The following AGO4 variants were observed in gnomAD, a reference collection of about 807,000 sequenced individuals.
The protein encoded by AGO4 is protein argonaute-4.
Under a neutral mutation model 104.7 loss-of-function variants are expected in AGO4, and 33 were observed. The ratio of observed to expected loss-of-function variants is 0.32; its 90% CI spans 0.24 to 0.42. The LOEUF is 0.42. Ranked by LOEUF, AGO4 falls within the 10% of genes least tolerant of loss-of-function variation. The probability of loss-of-function intolerance (pLI) is 1.00; values close to 1 mark genes in which losing one functional copy is unlikely to be tolerated. For synonymous variants in AGO4, 331 were observed against 364.7 expected (o/e 0.91, Z 1.05); for missense variants, 711 against 1,083.4 (o/e 0.66, Z 4.83).
chr1:35,852,253 G>A (rs1422846919), intron 17 of AGO4, among the ~76,000 whole-genome samples: 2 of 152,172 alleles, frequency 1.3e-5, no homozygotes, highest in Non-Finnish European at 2.9e-5. Flanking sequence ...ACAGTTAATT[G>A]GATATGCATG....
chr1:35,807,836 T>C (rs1489697955), upstream of AGO4, among the ~76,000 whole-genome samples: 1 of 152,074 alleles, frequency 6.6e-6, no homozygotes, highest in Non-Finnish European at 1.5e-5. Flanking sequence ...AGTGGAAAAC[T>C]GAATCTGTGG....
intron 13 of AGO4, among the ~76,000 whole-genome samples, chr1:35,836,601 G>A (rs2148673019): frequency 6.6e-6 from 1 of 152,290 alleles, no homozygotes; most frequent in South Asian, 2.1e-4. Context: ...AGTAGAGACG[G>A]GGTTTCACCA....
chr1:35,847,262 C>G (rs1443787443), intron 15 of AGO4, among the ~76,000 whole-genome samples: 1 of 148,518 alleles, frequency 6.7e-6, no homozygotes, highest in East Asian at 2.0e-4. Flanking sequence ...GAGACTGAGT[C>G]TCGCTCTGTT....
At chr1:35,826,681 A>G in intron 6 of AGO4, 67 bp from the exon 7 acceptor site, 1 of 1,321,864 alleles carries the variant, frequency 7.6e-7, no homozygotes, top group Non-Finnish European at 1.1e-6. Flanking sequence ...TGAAGACAAC[A>G]TTTGAATCTG....
chr1:35,846,128 G>A (rs1644567163), intron 15 of AGO4, among the ~76,000 whole-genome samples: 2 of 152,146 alleles, frequency 1.3e-5, no homozygotes, highest in Admixed American at 6.5e-5. Flanking sequence ...TTCAAGCAAA[G>A]CATGTCTAAA....
chr1:35,819,669 G>T (rs1339742713), intron 2 of AGO4, among the ~76,000 whole-genome samples: 1 of 145,634 alleles, frequency 6.9e-6, no homozygotes, highest in Non-Finnish European at 1.5e-5. Context: ...GGAGACGGAG[G>T]TTGCAGTGAG....
At chr1:35,814,260 A>G (rs1643615175) in intron 1 of AGO4, among the ~76,000 whole-genome samples, 1 of 152,138 alleles carries the variant, frequency 6.6e-6, no homozygotes, top group Non-Finnish European at 1.5e-5. Flanking sequence ...TTATAACATG[A>G]TGGCTGTTGC....
intron 11 of AGO4, 69 bp downstream of exon 11, chr1:35,832,639 T>C: frequency 6.4e-7 from 1 of 1,573,282 alleles, no homozygotes; most frequent in South Asian, 1.2e-5. Flanking sequence ...TTTATGTGAA[T>C]GTGCTGTGTA....
At chr1:35,812,086 G>C (rs2148646690) in intron 1 of AGO4, among the ~76,000 whole-genome samples, 1 of 151,960 alleles carries the variant, frequency 6.6e-6, no homozygotes, top group East Asian at 1.9e-4. Flanking sequence ...TTTAGCCACT[G>C]TGCTTTATTG....
At chr1:35,812,106 G>T (rs1270179522) in intron 1 of AGO4, among the ~76,000 whole-genome samples, 1 of 151,590 alleles carries the variant, frequency 6.6e-6, no homozygotes, top group Non-Finnish European at 1.5e-5. Context: ...GCTTCATTAA[G>T]TAGATAGCTG....
At chr1:35,836,740 C>G (rs1644324830) in intron 13 of AGO4, among the ~76,000 whole-genome samples, 1 of 152,178 alleles carries the variant, frequency 6.6e-6, no homozygotes, top group East Asian at 1.9e-4. Context: ...TTATACAATT[C>G]TACATTTTTG....
chr1:35,833,867 G>A lies in AGO4; in HGVS notation c.1380-123G>A, dbSNP rs1644243212. ...ACCAGTTAAAGATTTTTATTTATTT[G>A]TTTACTTGTTTCTAAATTTGGCTAA... On this transcript the variant is annotated intron_variant, in intron 11 of 17. Coordinates refer to ENST00000373210, the MANE Select transcript of AGO4 (RefSeq NM_017629.4). The A allele has an allele frequency of 4.7e-6, 4 of 842,440 alleles. No individual in the cohort carries two copies. The East Asian group carries it at 1.3e-4, about 27-fold the overall frequency. 52.2% of individuals were successfully genotyped at this position (842,440 alleles called of 1,614,324 possible).
chr1:35,813,512 T>C (rs1209356895), intron 1 of AGO4, among the ~76,000 whole-genome samples: 5 of 151,896 alleles, frequency 3.3e-5, no homozygotes, highest in African/African-American at 1.2e-4. Context: ...ATCCCAGCAC[T>C]TTGGGAGGCC....
intron 15 of AGO4, among the ~76,000 whole-genome samples, chr1:35,845,607 C>T (rs755560292): frequency 1.3e-5 from 2 of 152,040 alleles, no homozygotes; most frequent in Non-Finnish European, 2.9e-5. Context: ...CAATTTCAGC[C>T]CTCTCTATAG....
At position 35,832,184 on chromosome 1, in the gene AGO4, G is replaced by A. The variant is rs1351551601; in HGVS notation, c.1244G>A (p.Arg415Gln). The A allele has an allele frequency of 6.8e-6, 11 of 1,610,426 alleles. No individual in the cohort carries two copies. Among genetic ancestry groups the A allele is most frequent in the Non-Finnish European group, 8.5e-6 (10 of 1,179,106 alleles). Residue 415 changes from arginine (R) to glutamine (Q), a missense_variant and splice_region_variant, in exon 10 of 18, where the codon CGG (arginine) becomes CAG (glutamine). By Grantham distance (43) the Arg-to-Gln change is conservative (BLOSUM62 1). Around this residue, in one of 3 missense-constraint regions of AGO4, gnomAD observed 401 missense variants for 665.5 expected, o/e 0.60. Coordinates refer to ENST00000373210, the MANE Select transcript of AGO4 (RefSeq NM_017629.4). ...GCACCAATGCTGCAATATGGAGGCC[G>A]GGTAAGCTTTTTATTTTATTCAGCA... ...LPAPMLQYGGRNKTVATPNQG... is the reference protein window; with the variant it reads ...LPAPMLQYGGQNKTVATPNQG...
chr1:35,807,969 C>T (rs1230791962), upstream of AGO4, among the ~76,000 whole-genome samples: 1 of 151,082 alleles, frequency 6.6e-6, no homozygotes, highest in Non-Finnish European at 1.5e-5. Flanking sequence ...CCAGCGGGCG[C>T]GTGCCCGACA....
chr1:35,811,099 G>A (rs1643486190), intron 1 of AGO4, among the ~76,000 whole-genome samples: 1 of 151,990 alleles, frequency 6.6e-6, no homozygotes, highest in Admixed American at 6.5e-5. Context: ...GATGCTGCGA[G>A]CTGAGATCGC....
At chr1:35,812,153 A>G (rs561382580) in intron 1 of AGO4, among the ~76,000 whole-genome samples, 2 of 152,172 alleles carry the variant, frequency 1.3e-5, no homozygotes, top group South Asian at 2.1e-4. Context: ...CCCAGCCTTC[A>G]GAGCTGTACA....
chr1:35,851,854 T>A (rs6425962), intron 17 of AGO4, among the ~76,000 whole-genome samples: 149,785 of 152,328 alleles, frequency 0.98, 73,693 homozygotes, highest in East Asian at 1. Context: ...GGTGCTAGAA[T>A]TACTAAGATG....
Sources: allele counts gnomAD v4.1 joint callset (sites outside exome capture counted in the v4.1 genomes callset), GRCh38; gene constraint gnomAD v4.1.1; regional missense constraint gnomAD v4.1.1; transcripts MANE v1.5; gene names NCBI Gene and HGNC (gene_info 2026-07-23, HGNC 2026-07-21).